Variants in CEP164 observed in about 807,000 individuals in gnomAD.
CEP164 encodes centrosomal protein 164, also known as centrosomal protein of 164 kDa.
CEP164 carries 162 observed loss-of-function variants against 182.7 expected under a neutral mutation model. The ratio of observed to expected loss-of-function variants is 0.89; its 90% CI spans 0.78 to 1.01. The LOEUF is 1.01. Ranked by LOEUF, CEP164 falls within the 50% of genes least tolerant of loss-of-function variation. The pLI, the probability that CEP164 is intolerant of heterozygous loss-of-function variation, is 0.00. For synonymous variants in CEP164, 661 were observed against 690.0 expected (o/e 0.96, Z 0.66); for missense variants, 1,735 against 1,790.4 (o/e 0.97, Z 0.56).
In CEP164 at chr11:117,394,188, G is replaced by A. The variant is rs541833283; in HGVS notation, c.2617-162G>A. ...CTGCAGGCTTGCTGGGGCCAGGGCC[G>A]GTGCTGTGCTTGTAACCCTCCTCTT... On this transcript the variant is annotated intron_variant, in intron 20 of 32. Coordinates refer to ENST00000278935, the MANE Select transcript of CEP164 (RefSeq NM_014956.5). The surrounding 1 kb of genome is among the most constrained non-coding windows in gnomAD (Gnocchi z 4.0). 3.6e-4 allele frequency among the ~76,000 whole-genome samples: 55 copies of A among 152,338 alleles called. No homozygotes were observed. The highest frequency in any genetic ancestry group is 1.3e-3 in the African/African-American group (55 of 41,584).
chr11:117,338,552 C>T lies in CEP164; in HGVS notation c.-21-14C>T, dbSNP rs573801. The T allele has an allele frequency of 0.22, 347,300 of 1,573,528 alleles. 39,476 individuals are homozygous for T. Among genetic ancestry groups the T allele is most frequent in the Admixed American group, 0.29 (17,433 of 59,776 alleles). Reference sequence around the variant, plus strand: ...ACTGATTTTTCTCTTTTGGTGGGGGCCTCTGGGATCTAGGTGTTTGAGCCC... The same window carrying T: ...ACTGATTTTTCTCTTTTGGTGGGGGTCTCTGGGATCTAGGTGTTTGAGCCC... On this transcript the variant is annotated splice_polypyrimidine_tract_variant and intron_variant, in intron 2 of 32. Coordinates refer to ENST00000278935, the MANE Select transcript of CEP164 (RefSeq NM_014956.5).
chr11:117,332,511 G>A (rs2036385696), intron 1 of CEP164, among the ~76,000 whole-genome samples: 1 of 152,160 alleles, frequency 6.6e-6, no homozygotes, highest in Non-Finnish European at 1.5e-5. Flanking sequence ...AGGAGGCGGA[G>A]GTTGCAGTGA....
At chr11:117,393,149 G>A (rs201363322) in intron 20 of CEP164, 23 bp downstream of exon 20, 32 of 1,608,712 alleles carry the variant, frequency 2.0e-5, no homozygotes, top group Admixed American at 1.0e-4. Flanking sequence ...CATCCCCTGC[G>A]CGCATGCACA....
chr11:117,392,469 C>T (rs757745784), intron 18 of CEP164, 27 bp from the exon 19 acceptor site: 1 of 1,607,354 alleles, frequency 6.2e-7, no homozygotes, highest in East Asian at 2.2e-5. Flanking sequence ...GGGTCACACT[C>T]CCCTGTGTGT....
chr11:117,405,609 A>C (rs2046589859), intron 27 of CEP164, among the ~76,000 whole-genome samples: 1 of 152,184 alleles, frequency 6.6e-6, no homozygotes, highest in Non-Finnish European at 1.5e-5. Context: ...CCATCTTGCC[A>C]GCCACTCCAG....
chr11:117,391,398 C>T (rs898341563), intron 17 of CEP164, among the ~76,000 whole-genome samples, 183 bp downstream of exon 17: 1 of 152,182 alleles, frequency 6.6e-6, no homozygotes, highest in East Asian at 1.9e-4. Context: ...GGGCCCATTA[C>T]TCCATATGGA....
intron 14 of CEP164, chr11:117,386,130 TTGAC>T (rs1331206454): frequency 1.3e-5 from 2 of 152,272 alleles, no homozygotes; most frequent in East Asian, 3.9e-4. Flanking sequence ...TCCGCTTAGG[TTGAC>T]TGAGCCACCA....
intron 27 of CEP164, among the ~76,000 whole-genome samples, chr11:117,406,212 T>C (rs1346218442): frequency 6.6e-6 from 1 of 152,206 alleles, no homozygotes; most frequent in Non-Finnish European, 1.5e-5. Context: ...GAAATGATTC[T>C]GGGGAAGCCT....
chr11:117,393,136 C>T lies in CEP164; in HGVS notation c.2616+10C>T. The T allele has an allele frequency of 6.2e-7, 1 of 1,611,380 alleles. No individual in the cohort carries two copies. The highest frequency in any genetic ancestry group is 8.5e-7 in the Non-Finnish European group (1 of 1,178,792). ...GCAGTATGAAGCTGAGGTAGCTCAGCCACATCCCCTGCGCGCATGCACACA... is the reference window on the plus strand; with the variant it reads ...GCAGTATGAAGCTGAGGTAGCTCAGTCACATCCCCTGCGCGCATGCACACA... On this transcript the variant is annotated intron_variant, in intron 20 of 32. Transcript: ENST00000278935.
Position 117,409,043 on chromosome 11 carries a change from T to A in CEP164, c.3748+15T>A. 6.2e-7 allele frequency: 1 copy of A among 1,613,676 alleles called. No homozygotes were observed. The highest frequency in any genetic ancestry group is 1.3e-5 in the African/African-American group (1 of 74,954). ...GCAGCAGAGGAGTGAGTGGGGGAGA[T>A]GCGGGGTGAGGACCATGGTATCCAT... is the stretch of plus-strand genomic sequence containing the variant. On this transcript the variant is annotated intron_variant, in intron 29 of 32. Transcript: ENST00000278935. The surrounding 1 kb of genome is among the most constrained non-coding windows in gnomAD (Gnocchi z 4.4).
intron 15 of CEP164, among the ~76,000 whole-genome samples, chr11:117,388,703 T>C (rs2044232625): frequency 6.6e-6 from 1 of 152,098 alleles, no homozygotes; most frequent in South Asian, 2.1e-4. Context: ...AATTTAGCCA[T>C]AGGACAAAGA....
At chr11:117,349,515 G>T (rs1565447390) in intron 4 of CEP164, among the ~76,000 whole-genome samples, 1 of 151,970 alleles carries the variant, frequency 6.6e-6, no homozygotes, top group East Asian at 1.9e-4. Context: ...TAGAGATAGG[G>T]TATTGCTCTG....
chr11:117,402,470 C>T (rs920216319), intron 27 of CEP164, among the ~76,000 whole-genome samples: 3 of 152,242 alleles, frequency 2.0e-5, no homozygotes, highest in Admixed American at 6.5e-5. Flanking sequence ...CCTCCTGGCT[C>T]GGCCTCCCAA....
chr11:117,364,797 C>T (rs957464739), intron 8 of CEP164, among the ~76,000 whole-genome samples: 13 of 152,114 alleles, frequency 8.5e-5, no homozygotes, highest in African/African-American at 3.1e-4. Context: ...TGTGCCCAGC[C>T]TAGGACTCTT....
At chr11:117,362,690 C>T in intron 7 of CEP164, 152 bp downstream of exon 7, 1 of 774,988 alleles carries the variant, frequency 1.3e-6, no homozygotes. Context: ...TAATTACCTT[C>T]ACAATGTGTG....
At chr11:117,377,685 A>G (rs183701591) in intron 11 of CEP164, among the ~76,000 whole-genome samples, 3 of 152,290 alleles carry the variant, frequency 2.0e-5, no homozygotes, top group Non-Finnish European at 4.4e-5. Context: ...ACTGAGCTAT[A>G]CTAGTTTTTG....
In CEP164 at chr11:117,412,848, C is replaced by G. The variant is rs1463982386; in HGVS notation, c.*680C>G. On this transcript the variant is annotated 3_prime_UTR_variant, in exon 33 of 33. Transcript: ENST00000278935. ...CCTCAGGGGCTGTCCTCAGAACACC[C>G]CTCCTGCTCCCTGGGGCTCCTCAGG... 6.6e-6 allele frequency: 1 copy of G among 152,612 alleles called. No homozygotes were observed. Among genetic ancestry groups the G allele is most frequent in the East Asian group, 1.9e-4 (1 of 5,168 alleles). 9.5% of individuals were successfully genotyped at this position (152,612 alleles called of 1,614,324 possible).
chr11:117,356,058 T>C, intron 5 of CEP164: 1 of 1,107,776 alleles, frequency 9.0e-7, no homozygotes, highest in African/African-American at 1.6e-5. Context: ...TCTCCTGTCC[T>C]GGATGAGGTG....
At chr11:117,391,863 AAG>A (rs2044697729) in intron 17 of CEP164, among the ~76,000 whole-genome samples, 4 of 152,138 alleles carry the variant, frequency 2.6e-5, no homozygotes, top group Admixed American at 2.6e-4. Context: ...CCAAAATAAA[AAG>A]AAAATTCTAC....
Sources: allele counts gnomAD v4.1 joint callset (sites outside exome capture counted in the v4.1 genomes callset), GRCh38; gene constraint gnomAD v4.1.1; non-coding constraint Gnocchi (gnomAD v3.1); transcripts MANE v1.5; gene names NCBI Gene and HGNC (gene_info 2026-07-23, HGNC 2026-07-21).